Variants in SPAG9 observed in about 807,000 individuals in gnomAD.
SPAG9 encodes sperm associated antigen 9.
SPAG9 carries 35 observed loss-of-function variants against 166.5 expected under a neutral mutation model. That is an observed-to-expected ratio of 0.21 (90% CI 0.16 to 0.28). The LOEUF is 0.28. Ranked by LOEUF, SPAG9 falls within the 10% of genes least tolerant of loss-of-function variation. The pLI, the probability that SPAG9 is intolerant of heterozygous loss-of-function variation, is 1.00. For synonymous variants in SPAG9, 534 were observed against 565.5 expected (o/e 0.94, Z 0.79); for missense variants, 1,235 against 1,603.3 (o/e 0.77, Z 3.92).
Position 51,041,604 on chromosome 17 carries a change from T to C in SPAG9, c.638A>G (p.Asp213Gly). The C allele has an allele frequency of 6.2e-7, 1 of 1,613,978 alleles. No individual in the cohort carries two copies. Among genetic ancestry groups the C allele is most frequent in the Non-Finnish European group, 8.5e-7 (1 of 1,179,892 alleles). ...SLGIFPLPAG[D>G]GLLTPDAQKG... ...CTGAGCATCAGGTGTAAGCAATCCA[T>C]CTCCAGCAGGTAATGGGAAAATTCC... Residue 213 changes from aspartate (D) to glycine (G), a missense_variant, in exon 5 of 30, where the codon GAT becomes GGT. Asp to Gly is a moderately conservative substitution (Grantham distance 94). Transcript: ENST00000262013.
rs189392464 is a variant in SPAG9 at position 51,056,347 on chromosome 17, A to G, written c.495+65T>C. On this transcript the variant is annotated intron_variant, in intron 3 of 29. Coordinates refer to ENST00000262013, the MANE Select transcript of SPAG9 (RefSeq NM_001130528.3). ...CTGATTTTCAAAGAAAAATTAAGACATATTTTCTAAGGTTCATTTCTTTGT... is the reference window on the plus strand; with the variant it reads ...CTGATTTTCAAAGAAAAATTAAGACGTATTTTCTAAGGTTCATTTCTTTGT... 3,319 of 898,082 alleles carry G rather than the reference A, an allele frequency of 3.7e-3. 7 individuals are homozygous for G. The highest frequency in any genetic ancestry group is 4.7e-3 in the Non-Finnish European group (2,653 of 559,856). The allele number at this position is 898,082 out of a possible 1,614,324, so 55.6% of individuals were successfully genotyped here. A position where few individuals can be genotyped will look rare whatever the true frequency, so the allele number is the denominator to read the frequency against.
intron 1 of SPAG9, among the ~76,000 whole-genome samples, chr17:51,091,133 TGTA>T (rs1447417444): frequency 6.6e-6 from 1 of 151,460 alleles, no homozygotes; most frequent in East Asian, 1.9e-4. Flanking sequence ...ATTAGCCTGG[TGTA>T]GTGGTGTGCA....
rs191567695 is a variant in SPAG9, at chr17:51,033,304, T to C, written c.742-1582A>G. Among the ~76,000 whole-genome samples, 401 of 142,572 alleles carry C rather than the reference T, an allele frequency of 2.8e-3. 1 individual carries two copies. The highest frequency in any genetic ancestry group is 7.4e-3 in the South Asian group (34 of 4,618). The allele number at this position is 142,572 out of a possible 152,430, so 93.5% of individuals were successfully genotyped here. On this transcript the variant is annotated intron_variant, in intron 5 of 29. Coordinates refer to ENST00000262013, the MANE Select transcript of SPAG9 (RefSeq NM_001130528.3). ...GTAGAAAGATTGTCAAGCTATGTCATTAAATGAAAAAAAAAAAAAAAAGCA... is the reference window on the plus strand; with the variant it reads ...GTAGAAAGATTGTCAAGCTATGTCACTAAATGAAAAAAAAAAAAAAAAGCA...
chr17:50,985,001 G>C lies in SPAG9; in HGVS notation c.3021-11C>G. 1 of 1,613,560 alleles carries C rather than the reference G, an allele frequency of 6.2e-7. No homozygotes were observed. Among genetic ancestry groups the C allele is most frequent in the Non-Finnish European group, 8.5e-7 (1 of 1,179,514 alleles). The stretch of plus-strand genomic sequence containing the variant: ...ATTCCCTTCACGTGTCTGCAAACAG[G>C]AAAGGGGAGTTCAGAACTCTCCATT... On this transcript the variant is annotated splice_polypyrimidine_tract_variant and intron_variant, in intron 23 of 29. Transcript: ENST00000262013.
chr17:51,036,451 G>A (rs1206414366), intron 5 of SPAG9, among the ~76,000 whole-genome samples: 10 of 151,998 alleles, frequency 6.6e-5, no homozygotes, highest in South Asian at 2.1e-4. Context: ...GACTTTCAGC[G>A]CTCAAGTCTC....
chr17:51,022,246 A>G (rs1359281662), intron 6 of SPAG9, among the ~76,000 whole-genome samples: 1 of 151,964 alleles, frequency 6.6e-6, no homozygotes, highest in Non-Finnish European at 1.5e-5. Flanking sequence ...GAAAAAAGAG[A>G]AAAGAGTAGG....
chr17:51,112,431 G>A (rs8073364), intron 1 of SPAG9, among the ~76,000 whole-genome samples: 6,872 of 150,304 alleles, frequency 0.046, 530 homozygotes, highest in African/African-American at 0.16. Context: ...CTAGCACTTT[G>A]GGAGGCTGGG....
At position 50,987,200 on chromosome 17, in the gene SPAG9, G is replaced by A. The variant is rs202010147; in HGVS notation, c.2851C>T (p.Leu951=). 203 of 1,612,512 alleles carry A rather than the reference G, an allele frequency of 1.3e-4. No homozygotes were observed. The highest frequency in any genetic ancestry group is 1.7e-4 in the Non-Finnish European group (196 of 1,179,462). The change falls in exon 22 of 30, where the codon CTG becomes TTG. Residue 951 remains leucine (L), a synonymous_variant. Transcript: ENST00000262013. ...SDAYKDQISV[L]PNEQDLVREE... is the part of the protein sequence containing the mutation. ...CTCACCAAGTCTTGTTCATTTGGCA[G>A]TACTGATATTTGATCTTTATATGCA...
At chr17:51,082,410 G>C (rs1267692470) in intron 1 of SPAG9, among the ~76,000 whole-genome samples, 1 of 140,746 alleles carries the variant, frequency 7.1e-6, no homozygotes, top group Non-Finnish European at 1.5e-5. Context: ...AAAAACCTGT[G>C]ATACCTACTC....
chr17:51,047,541 A>C lies in SPAG9; in HGVS notation c.496-72T>G, dbSNP rs2047060231. On this transcript the variant is annotated intron_variant, in intron 3 of 29. Coordinates refer to ENST00000262013, the MANE Select transcript of SPAG9 (RefSeq NM_001130528.3). ...GGAATAAAATCATAGTGTTATAACAAGGAAAACATTTTGGTACAATTTTCT... is the reference window on the plus strand; with the variant it reads ...GGAATAAAATCATAGTGTTATAACACGGAAAACATTTTGGTACAATTTTCT... The C allele has an allele frequency of 7.4e-6, 5 of 679,680 alleles. No individual in the cohort carries two copies. The East Asian group carries it at 1.5e-4, about 20-fold the overall frequency. 42.1% of individuals were successfully genotyped at this position (679,680 alleles called of 1,614,324 possible).
At chr17:51,062,805 G>GCCAAC (rs2047554487) in intron 2 of SPAG9, among the ~76,000 whole-genome samples, 1 of 152,050 alleles carries the variant, frequency 6.6e-6, no homozygotes, top group Non-Finnish European at 1.5e-5. Flanking sequence ...GGCCAGGCTG[G>GCCAAC]TCTCGAACTC....
Position 50,977,756 on chromosome 17 carries a change from T to A in SPAG9, c.3410-535A>T, listed in dbSNP as rs535914939. Among the ~76,000 whole-genome samples, 20 of 152,214 alleles carry A rather than the reference T, an allele frequency of 1.3e-4. No individual in the cohort carries two copies. In the East Asian group the frequency reaches 3.3e-3, roughly 25 times the overall value. On this transcript the variant is annotated intron_variant, in intron 26 of 29. Coordinates refer to ENST00000262013, the MANE Select transcript of SPAG9 (RefSeq NM_001130528.3). ...AAAATTAGCCAGGCATGGTGGCACA[T>A]GCCTGTAGTCCCAGCTATGTGGGAG... is the stretch of plus-strand genomic sequence containing the variant.
At chr17:51,113,368 A>AG (rs1435841945) in intron 1 of SPAG9, among the ~76,000 whole-genome samples, 87 of 149,564 alleles carry the variant, frequency 5.8e-4, no homozygotes, top group Admixed American at 7.4e-4. Flanking sequence ...AAAAAAAAAA[A>AG]AAAGAAAGAA....
intron 2 of SPAG9, among the ~76,000 whole-genome samples, chr17:51,058,269 G>A (rs2047412753): frequency 6.6e-6 from 1 of 152,144 alleles, no homozygotes; most frequent in African/African-American, 2.4e-5. Flanking sequence ...ACTAATAGCA[G>A]CCAACAACAT....
chr17:51,101,930 C>A (rs1463431921), intron 1 of SPAG9, among the ~76,000 whole-genome samples: 3 of 152,052 alleles, frequency 2.0e-5, no homozygotes, highest in African/African-American at 7.2e-5. Context: ...TGGCCTATAC[C>A]ATAATAGTCT....
chr17:50,992,080 G>A (rs1975615784), intron 19 of SPAG9, among the ~76,000 whole-genome samples: 1 of 151,616 alleles, frequency 6.6e-6, no homozygotes, highest in East Asian at 1.9e-4. Context: ...GTGGAATGAG[G>A]TCTCACTATA....
At chr17:51,106,024 G>C (rs1217775059) in intron 1 of SPAG9, among the ~76,000 whole-genome samples, 2 of 151,376 alleles carry the variant, frequency 1.3e-5, no homozygotes, top group South Asian at 4.2e-4. Context: ...CAGCACTTTG[G>C]GAAGCAGAGG....
chr17:51,000,379 G>T (rs2044879993), intron 13 of SPAG9, among the ~76,000 whole-genome samples: 1 of 152,106 alleles, frequency 6.6e-6, no homozygotes, highest in Non-Finnish European at 1.5e-5. Context: ...TTAAAAGTAA[G>T]CTACTATTTC....
At chr17:51,049,917 G>A (rs1195037174) in intron 3 of SPAG9, among the ~76,000 whole-genome samples, 6 of 152,136 alleles carry the variant, frequency 3.9e-5, no homozygotes, top group Non-Finnish European at 7.3e-5. Flanking sequence ...TATATACACT[G>A]GATAGTAAAG....
Sources: allele counts gnomAD v4.1 joint callset (sites outside exome capture counted in the v4.1 genomes callset), GRCh38; gene constraint gnomAD v4.1.1; transcripts MANE v1.5; gene names NCBI Gene and HGNC (gene_info 2026-07-23, HGNC 2026-07-21).